The following RBFOX1 variants were observed in gnomAD, a reference collection of about 807,000 sequenced individuals.
The protein encoded by RBFOX1 is RNA binding protein fox-1 homolog 1.
A neutral mutation model predicts 57.7 loss-of-function variants in RBFOX1; 8 were observed. The ratio of observed to expected loss-of-function variants is 0.14; its 90% CI spans 0.08 to 0.25. RBFOX1 has a LOEUF of 0.25. Among genes scored for constraint, RBFOX1 ranks in the 10% least tolerant of loss-of-function variants. The pLI is 1.00. For missense variants in RBFOX1, 611 were observed against 548.5 expected (o/e 1.11, Z -1.14); for synonymous variants, 326 against 222.4 (o/e 1.47, Z -4.15).
intron 3 of RBFOX1, among the ~76,000 whole-genome samples, chr16:5,693,367 C>CAA (rs71142645): frequency 0.66 from 98,007 of 148,246 alleles, 33,488 homozygotes; most frequent in Non-Finnish European, 0.74. Flanking sequence ...ATAGGCAGAT[C>CAA]AAAAAAAAAA....
At chr16:6,008,205 C>G (rs1237667851) in intron 4 of RBFOX1, among the ~76,000 whole-genome samples, 1 of 116,932 alleles carries the variant, frequency 8.6e-6, no homozygotes, top group Non-Finnish European at 1.7e-5. Flanking sequence ...ACTGTATCCC[C>G]CCCACCCACC....
At chr16:7,110,942 A>G (rs2064626813) in intron 4 of RBFOX1, among the ~76,000 whole-genome samples, 1 of 152,174 alleles carries the variant, frequency 6.6e-6, no homozygotes, top group Non-Finnish European at 1.5e-5. Flanking sequence ...CAGGGCATCC[A>G]TGCTCTCCCT....
intron 3 of RBFOX1, among the ~76,000 whole-genome samples, chr16:6,874,426 C>A (rs779740909): frequency 7.0e-6 from 1 of 143,440 alleles, no homozygotes; most frequent in Admixed American, 7.4e-5. Context: ...AGGAGAACTG[C>A]TTGAATCCAG....
At chr16:6,580,287 G>A (rs1380293753) in intron 2 of RBFOX1, among the ~76,000 whole-genome samples, 1 of 152,148 alleles carries the variant, frequency 6.6e-6, no homozygotes, top group African/African-American at 2.4e-5. Flanking sequence ...GGTTTATGTT[G>A]TTTGACTTTT....
At chr16:5,452,925 C>G (rs1181289458) in intron 1 of RBFOX1, among the ~76,000 whole-genome samples, 1 of 152,158 alleles carries the variant, frequency 6.6e-6, no homozygotes, top group African/African-American at 2.4e-5. Context: ...AACCACCACG[C>G]TCTGCGAAAC....
At chr16:6,857,059 G>C (rs1430300156) in intron 3 of RBFOX1, among the ~76,000 whole-genome samples, 1 of 152,118 alleles carries the variant, frequency 6.6e-6, no homozygotes, top group African/African-American at 2.4e-5. Flanking sequence ...CCACATCATT[G>C]CTGGCTGGTT....
chr16:5,643,292 C>G (rs2048940910), intron 3 of RBFOX1, among the ~76,000 whole-genome samples: 1 of 152,154 alleles, frequency 6.6e-6, no homozygotes, highest in Non-Finnish European at 1.5e-5. Flanking sequence ...CTTGGCTGTC[C>G]TTGATTATCG....
intron 1 of RBFOX1, among the ~76,000 whole-genome samples, chr16:6,210,163 C>G (rs1048501276): frequency 6.6e-6 from 1 of 151,038 alleles, no homozygotes; most frequent in Non-Finnish European, 1.5e-5. Flanking sequence ...ACCAAAAATA[C>G]AAAACTTAGC....
rs867782334 is a variant in RBFOX1, at chr16:7,029,081, T to C, written c.-15-22976T>C. On this transcript the variant is annotated intron_variant, in intron 3 of 15. Coordinates refer to ENST00000550418, the MANE Select transcript of RBFOX1 (RefSeq NM_018723.4). The stretch of plus-strand genomic sequence containing the variant: ...ATATATATATATATATATATATATA[T>C]ACACACACACACACACACACACACA... Among the ~76,000 whole-genome samples, 233 of 47,806 alleles carry C rather than the reference T, an allele frequency of 4.9e-3. 12 individuals carry two copies. The highest frequency in any genetic ancestry group is 0.031 in the East Asian group (44 of 1,436). 31.4% of individuals were successfully genotyped at this position (47,806 alleles called of 152,430 possible).
At chr16:5,736,925 C>T (rs2052597931) in intron 3 of RBFOX1, among the ~76,000 whole-genome samples, 1 of 149,058 alleles carries the variant, frequency 6.7e-6, no homozygotes, top group Non-Finnish European at 1.5e-5. Context: ...CCCTCCCTCT[C>T]TCCCTGTCTC....
chr16:7,256,941 CCTTTCTGTTT>C (rs2094711916), intron 4 of RBFOX1, among the ~76,000 whole-genome samples: 2 of 152,104 alleles, frequency 1.3e-5, no homozygotes, highest in Non-Finnish European at 2.9e-5. Flanking sequence ...TGGGAAACAG[CCTTTCTGTTT>C]CTCCTGTGGC....
intron 1 of RBFOX1, among the ~76,000 whole-genome samples, chr16:6,123,403 T>A (rs1349882688): frequency 6.6e-6 from 1 of 152,142 alleles, no homozygotes; most frequent in East Asian, 1.9e-4. Context: ...AAACCAGATA[T>A]AAAGGGACAA....
chr16:7,591,370 A>G (rs1266949479), intron 7 of RBFOX1, among the ~76,000 whole-genome samples: 2 of 152,194 alleles, frequency 1.3e-5, no homozygotes, highest in Non-Finnish European at 2.9e-5. Flanking sequence ...CAGTACCTTC[A>G]TCCATCCAGG....
intron 11 of RBFOX1, among the ~76,000 whole-genome samples, chr16:7,647,804 T>G (rs2064049370): frequency 6.6e-6 from 1 of 152,198 alleles, no homozygotes; most frequent in Admixed American, 6.5e-5. Flanking sequence ...GGATCTAGAC[T>G]TCTAAGCCAG....
At chr16:7,052,683 T>C (rs2050520949) in intron 4 of RBFOX1, among the ~76,000 whole-genome samples, 1 of 152,180 alleles carries the variant, frequency 6.6e-6, no homozygotes, top group Non-Finnish European at 1.5e-5. Flanking sequence ...AAGTATTCCC[T>C]AGATGTGCAG....
At chr16:7,668,603 GA>G (rs2070251814) in intron 13 of RBFOX1, among the ~76,000 whole-genome samples, 1 of 152,100 alleles carries the variant, frequency 6.6e-6, no homozygotes, top group Non-Finnish European at 1.5e-5. Context: ...GGGGTTGTCT[GA>G]GAATGGAGGG....
chr16:6,600,336 A>G (rs1382085504), intron 2 of RBFOX1, among the ~76,000 whole-genome samples: 2 of 152,042 alleles, frequency 1.3e-5, no homozygotes, highest in Non-Finnish European at 2.9e-5. Context: ...GCTCCAGCTG[A>G]GCTACTGTCA....
At chr16:7,143,350 C>G (rs1315867274) in intron 4 of RBFOX1, among the ~76,000 whole-genome samples, 1 of 152,016 alleles carries the variant, frequency 6.6e-6, no homozygotes, top group Non-Finnish European at 1.5e-5. Context: ...GACTGAGCCA[C>G]TGTAGAAAAG....
intron 4 of RBFOX1, among the ~76,000 whole-genome samples, chr16:5,902,410 A>ATTTATT (rs1181744656): frequency 6.6e-6 from 1 of 151,902 alleles, no homozygotes; most frequent in East Asian, 1.9e-4. Flanking sequence ...TAATTAATTA[A>ATTTATT]TTTATTTTTA....
Sources: gnomAD v4.1 joint callset for allele counts (sites outside exome capture counted in the v4.1 genomes callset) on GRCh38, gnomAD v4.1.1 for gene constraint, MANE v1.5 for transcripts, NCBI Gene and HGNC (gene_info 2026-07-23, HGNC 2026-07-21) for gene names.